LTBP1: variants seen among roughly 807,000 people sequenced by gnomAD.
The protein encoded by LTBP1 is latent-transforming growth factor beta-binding protein 1.
A neutral mutation model predicts 207.6 loss-of-function variants in LTBP1; 129 were observed. The observed-to-expected ratio is 0.62, with a 90% confidence interval of 0.54 to 0.72. LTBP1 has a LOEUF of 0.72. LTBP1 is among the 30% of genes least tolerant of loss of function. The pLI, the probability that LTBP1 is intolerant of heterozygous loss-of-function variation, is 0.00. For synonymous variants in LTBP1, 963 were observed against 833.7 expected, an observed-to-expected ratio of 1.16 and a Z score of -2.67; for missense variants, 2,281 against 2,217.2, an observed-to-expected ratio of 1.03 and a Z score of -0.58.
intron 3 of LTBP1, among the ~76,000 whole-genome samples, chr2:33,066,277 C>G (rs966188575): frequency 6.6e-6 from 1 of 152,174 alleles, no homozygotes; most frequent in African/African-American, 2.4e-5. Context: ...TATATGTTGT[C>G]TATAGCTGCT....
intron 31 of LTBP1, among the ~76,000 whole-genome samples, chr2:33,386,664 A>G (rs746711192): frequency 1.3e-5 from 2 of 152,136 alleles, no homozygotes; most frequent in Non-Finnish European, 2.9e-5. Context: ...TCTCTACAAA[A>G]AATAACAAAA....
intron 4 of LTBP1, among the ~76,000 whole-genome samples, chr2:33,130,423 C>T (rs1035851663): frequency 2.0e-5 from 3 of 152,200 alleles, no homozygotes; most frequent in Admixed American, 6.5e-5. Flanking sequence ...TGATGTGAGT[C>T]TTGAACTTGT....
At chr2:33,267,471 T>C (rs1026670537) in intron 15 of LTBP1, among the ~76,000 whole-genome samples, 2 of 152,146 alleles carry the variant, frequency 1.3e-5, no homozygotes, top group Admixed American at 6.5e-5. Context: ...AAATTGTTAT[T>C]CTCTATTCTG....
At chr2:33,373,180 A>C (rs1045890732) in intron 31 of LTBP1, among the ~76,000 whole-genome samples, 8 of 152,202 alleles carry the variant, frequency 5.3e-5, no homozygotes, top group African/African-American at 1.9e-4. Flanking sequence ...CAGCACAGGT[A>C]ATTTCTTGAC....
intron 26 of LTBP1, among the ~76,000 whole-genome samples, chr2:33,347,791 A>G (rs2094724122): frequency 6.6e-6 from 1 of 152,174 alleles, no homozygotes; most frequent in Non-Finnish European, 1.5e-5. Flanking sequence ...TTTGCTGGGG[A>G]TTGCTTAAAA....
intron 31 of LTBP1, among the ~76,000 whole-genome samples, chr2:33,378,185 A>ATGTGTGTGTGTGTG (rs57388002): frequency 6.8e-5 from 9 of 131,928 alleles, no homozygotes; most frequent in South Asian, 2.8e-4. Flanking sequence ...ATATATATAT[A>ATGTGTGTGTGTGTG]TGTGTGTGTG....
chr2:33,089,387 A>T (rs1006464650), intron 3 of LTBP1, among the ~76,000 whole-genome samples: 3 of 152,178 alleles, frequency 2.0e-5, no homozygotes, highest in African/African-American at 7.2e-5. Context: ...ATACTTGAGT[A>T]GGGTGATATT....
intron 3 of LTBP1, among the ~76,000 whole-genome samples, chr2:33,108,776 A>T (rs1359135039): frequency 1.3e-5 from 2 of 152,136 alleles, no homozygotes; most frequent in Non-Finnish European, 2.9e-5. Flanking sequence ...GATGCGGAGG[A>T]TTCCTCTTTC....
intron 2 of LTBP1, among the ~76,000 whole-genome samples, chr2:32,968,546 G>A (rs1443231598): frequency 6.6e-6 from 1 of 151,994 alleles, no homozygotes; most frequent in Non-Finnish European, 1.5e-5. Context: ...ACAACATATT[G>A]TTGGGTTTTC....
chr2:33,058,931 T>A (rs745496129), intron 3 of LTBP1, among the ~76,000 whole-genome samples: 97 of 152,214 alleles, frequency 6.4e-4, no homozygotes, highest in Non-Finnish European at 1.2e-3. Flanking sequence ...TGTGTGATGC[T>A]GTCTTATAAT....
intron 2 of LTBP1, among the ~76,000 whole-genome samples, chr2:33,019,947 C>G (rs1407845703): frequency 1.3e-5 from 2 of 150,030 alleles, no homozygotes; most frequent in Non-Finnish European, 3.0e-5. Context: ...CTCCTGGGCT[C>G]AAGCGATCCT....
chr2:32,947,023 C>A lies in LTBP1; in HGVS notation c.-302C>A, dbSNP rs149250290. The A allele has an allele frequency of 6.7e-3, 1,541 of 231,674 alleles. 31 individuals carry two copies. Among genetic ancestry groups the A allele is most frequent in the African/African-American group, 0.033 (1,462 of 43,950 alleles). The allele number at this position is 231,674 out of a possible 1,614,324, so 14.4% of individuals were successfully genotyped here. A position where few individuals can be genotyped will look rare whatever the true frequency, so the allele number is the denominator to read the frequency against. On this transcript the variant is annotated 5_prime_UTR_variant, in exon 1 of 34. Transcript: ENST00000404816. ...GCCCCGCTGCGGCGCGCGCTGCAAC[C>A]CCCGGCCGGACGCGCGGACCCTCAC...
chr2:33,369,248 C>T (rs1028828338), intron 31 of LTBP1, among the ~76,000 whole-genome samples: 4 of 151,930 alleles, frequency 2.6e-5, no homozygotes, highest in African/African-American at 9.7e-5. Flanking sequence ...TTTGTATATC[C>T]ACAGTTATTA....
At chr2:33,396,917 A>T (rs1429254372) in intron 32 of LTBP1, among the ~76,000 whole-genome samples, 1 of 152,270 alleles carries the variant, frequency 6.6e-6, no homozygotes, top group Non-Finnish European at 1.5e-5. Flanking sequence ...TCAGAATTCA[A>T]AATGAGGCTA....
chr2:33,143,883 C>G (rs1205777642), intron 5 of LTBP1, among the ~76,000 whole-genome samples: 1 of 151,718 alleles, frequency 6.6e-6, no homozygotes, highest in African/African-American at 2.4e-5. Flanking sequence ...GGCTCCAGGA[C>G]CCGGGGTTGG....
At chr2:33,359,071 A>G (rs2094897364) in intron 26 of LTBP1, among the ~76,000 whole-genome samples, 1 of 152,184 alleles carries the variant, frequency 6.6e-6, no homozygotes, top group Non-Finnish European at 1.5e-5. Flanking sequence ...TCAGCATTTG[A>G]GTTTTTCCTG....
intron 3 of LTBP1, among the ~76,000 whole-genome samples, chr2:33,103,585 A>ATGTGTG (rs1558640670): frequency 1.3e-5 from 1 of 77,214 alleles, no homozygotes; most frequent in African/African-American, 4.1e-5. Flanking sequence ...GTCTCCGTTT[A>ATGTGTG]CGTGTGTGTG....
At chr2:33,227,694 G>C (rs548393865) in intron 9 of LTBP1, among the ~76,000 whole-genome samples, 1 of 151,834 alleles carries the variant, frequency 6.6e-6, no homozygotes, top group African/African-American at 2.4e-5. Flanking sequence ...AGACATCAAG[G>C]ACCCAGTCTT....
At chr2:33,004,817 A>AG (rs1283032532) in intron 2 of LTBP1, among the ~76,000 whole-genome samples, 10 of 146,492 alleles carry the variant, frequency 6.8e-5, no homozygotes, top group Admixed American at 1.4e-4. Context: ...ATATATATAA[A>AG]CATAAAATTT....
Sources: gnomAD v4.1 joint callset for allele counts (sites outside exome capture counted in the v4.1 genomes callset) on GRCh38, gnomAD v4.1.1 for gene constraint, MANE v1.5 for transcripts, NCBI Gene and HGNC (gene_info 2026-07-23, HGNC 2026-07-21) for gene names.